SLC4A10: variants seen among roughly 807,000 people sequenced by gnomAD.
SLC4A10 encodes the protein solute carrier family 4 member 10, also known as sodium-driven chloride bicarbonate exchanger.
SLC4A10 carries 42 observed loss-of-function variants against 137.7 expected under a neutral mutation model. The ratio of observed to expected loss-of-function variants is 0.30; its 90% CI spans 0.24 to 0.39. The LOEUF (loss-of-function observed/expected upper bound fraction) is 0.39. Ranked by LOEUF, SLC4A10 falls within the 10% of genes least tolerant of loss-of-function variation. The pLI, the probability that SLC4A10 is intolerant of heterozygous loss-of-function variation, is 1.00. For missense variants in SLC4A10, 925 were observed against 1,355.0 expected (o/e 0.68, Z 4.98); for synonymous variants, 474 against 464.1 (o/e 1.02, Z -0.27).
intron 15 of SLC4A10, among the ~76,000 whole-genome samples, chr2:161,915,359 A>G (rs1686897273): frequency 6.6e-6 from 1 of 152,190 alleles, no homozygotes; most frequent in Non-Finnish European, 1.5e-5. Context: ...CCTCTTGGGC[A>G]CTGGAAAAGA....
chr2:161,904,849 C>T lies in SLC4A10; in HGVS notation c.1691C>T (p.Thr564Ile). 6 of 1,613,912 alleles carry T rather than the reference C, an allele frequency of 3.7e-6. No homozygotes were observed. The highest frequency in any genetic ancestry group is 5.1e-6 in the Non-Finnish European group (6 of 1,179,834). ...TCTCTCTTTGGTGGACAGCCTCTTA[C>T]CATATTAGGCAGTACAGGACCAGTT... is the stretch of plus-strand genomic sequence containing the variant. ...AYSLFGGQPLTILGSTGPVLV... is the reference protein window; with the variant it reads ...AYSLFGGQPLIILGSTGPVLV... Residue 564 changes from threonine to isoleucine, a missense_variant, in exon 14 of 27, where the codon ACC (threonine) becomes ATC (isoleucine). Thr to Ile is a moderately conservative substitution (Grantham distance 89). Coordinates refer to ENST00000446997, the MANE Select transcript of SLC4A10 (RefSeq NM_001178015.2).
In SLC4A10 at chr2:161,668,486, T is replaced by C. The variant is rs138522923; in HGVS notation, c.48+43920T>C. Among the ~76,000 whole-genome samples, 232 of 151,790 alleles carry C rather than the reference T, an allele frequency of 1.5e-3. 1 individual carries two copies. Among genetic ancestry groups the C allele is most frequent in the African/African-American group, 4.5e-3 (187 of 41,484 alleles). ...AGCAGGCAGCCTCAGAAGTAGTGAG[T>C]TTCTCACTACTAGAAGTAATCAACT... On this transcript the variant is annotated intron_variant, in intron 1 of 26. Transcript: ENST00000446997.
At chr2:161,628,368 T>A (rs2032861128) in intron 1 of SLC4A10, among the ~76,000 whole-genome samples, 1 of 152,058 alleles carries the variant, frequency 6.6e-6, no homozygotes, top group Non-Finnish European at 1.5e-5. Flanking sequence ...AAAACTACAG[T>A]AAAGTTCACT....
At chr2:161,836,547 A>T (rs1559359072) in intron 3 of SLC4A10, among the ~76,000 whole-genome samples, 3 of 49,592 alleles carry the variant, frequency 6.0e-5, no homozygotes, top group African/African-American at 2.1e-4. Flanking sequence ...AAAGAAAGAA[A>T]GAAAGAAAGA....
intron 1 of SLC4A10, among the ~76,000 whole-genome samples, chr2:161,655,081 G>T (rs1336467949): frequency 6.6e-6 from 1 of 151,798 alleles, no homozygotes; most frequent in Non-Finnish European, 1.5e-5. Context: ...CAATGTACAG[G>T]TCTTTCACCT....
At chr2:161,842,566 A>G (rs2059248943) in intron 4 of SLC4A10, among the ~76,000 whole-genome samples, 1 of 152,006 alleles carries the variant, frequency 6.6e-6, no homozygotes, top group South Asian at 2.1e-4. Flanking sequence ...GTGGCATGTT[A>G]TTCAGTATGA....
chr2:161,684,612 A>G (rs2041196712), intron 1 of SLC4A10, among the ~76,000 whole-genome samples: 1 of 152,214 alleles, frequency 6.6e-6, no homozygotes, highest in African/African-American at 2.4e-5. Flanking sequence ...ACCTTGGGCA[A>G]GGTACTTAAC....
At chr2:161,952,272 A>G (rs895054859) in intron 19 of SLC4A10, among the ~76,000 whole-genome samples, 6 of 152,116 alleles carry the variant, frequency 3.9e-5, no homozygotes, top group African/African-American at 1.4e-4. Context: ...TGCCCTTTCA[A>G]CCTTATAAAT....
chr2:161,687,799 G>C (rs1400617033), intron 1 of SLC4A10, among the ~76,000 whole-genome samples: 1 of 152,112 alleles, frequency 6.6e-6, no homozygotes, highest in East Asian at 1.9e-4. Context: ...CAAGTGTCTG[G>C]CATTTCCCCT....
At position 161,680,535 on chromosome 2, in the gene SLC4A10, G is replaced by A. The variant is rs73020067; in HGVS notation, c.48+55969G>A. On this transcript the variant is annotated intron_variant, in intron 1 of 26. Transcript: ENST00000446997. Reference sequence around the variant, plus strand: ...ATGGGAGTAAAGGCTGAAAATGTGGGATGAGGTCAGATTACGGAGGACCTT... The same window carrying A: ...ATGGGAGTAAAGGCTGAAAATGTGGAATGAGGTCAGATTACGGAGGACCTT... 6.7e-3 allele frequency among the ~76,000 whole-genome samples: 1,011 copies of A among 152,028 alleles called. 11 individuals carry two copies. The highest frequency in any genetic ancestry group is 0.023 in the African/African-American group (961 of 41,500).
intron 1 of SLC4A10, among the ~76,000 whole-genome samples, chr2:161,733,521 AG>A (rs749995070): frequency 1.2e-4 from 19 of 152,364 alleles, no homozygotes; most frequent in Non-Finnish European, 2.2e-4. Flanking sequence ...AGTTTGCTAC[AG>A]GGGCAGGGCT....
chr2:161,692,434 A>G (rs1008757648), intron 1 of SLC4A10, among the ~76,000 whole-genome samples: 9 of 152,076 alleles, frequency 5.9e-5, no homozygotes, highest in Admixed American at 4.6e-4. Context: ...TGTTATGGTG[A>G]GTTGCACCTC....
intron 3 of SLC4A10, among the ~76,000 whole-genome samples, chr2:161,834,959 C>T (rs750396983): frequency 4.6e-5 from 7 of 152,080 alleles, no homozygotes; most frequent in African/African-American, 1.2e-4. Context: ...TAACTGACAT[C>T]GGTCCATTTT....
At chr2:161,819,893 T>C (rs933301357) in intron 3 of SLC4A10, among the ~76,000 whole-genome samples, 1 of 152,172 alleles carries the variant, frequency 6.6e-6, no homozygotes, top group African/African-American at 2.4e-5. Context: ...ATTGGTAAGT[T>C]TGAAGCATAA....
chr2:161,692,259 G>T (rs1430393515), intron 1 of SLC4A10, among the ~76,000 whole-genome samples: 1 of 151,956 alleles, frequency 6.6e-6, no homozygotes, highest in Admixed American at 6.6e-5. Flanking sequence ...AAATTTTTAT[G>T]TAGATATATA....
chr2:161,980,271 C>T (rs1700032866), intron 26 of SLC4A10, among the ~76,000 whole-genome samples: 1 of 152,144 alleles, frequency 6.6e-6, no homozygotes, highest in African/African-American at 2.4e-5. Flanking sequence ...ACTCCCCCAC[C>T]ACCTTTTTCT....
intron 2 of SLC4A10, among the ~76,000 whole-genome samples, chr2:161,788,727 T>G (rs928853812): frequency 1.3e-5 from 2 of 152,274 alleles, no homozygotes; most frequent in African/African-American, 4.8e-5. Context: ...AAACAGTTTT[T>G]CAACTTGTCT....
intron 1 of SLC4A10, among the ~76,000 whole-genome samples, chr2:161,701,578 A>G (rs1483897104): frequency 6.6e-6 from 1 of 151,956 alleles, no homozygotes; most frequent in African/African-American, 2.4e-5. Flanking sequence ...TTTGTTGGGA[A>G]CATTCCAATT....
intron 1 of SLC4A10, among the ~76,000 whole-genome samples, chr2:161,660,661 C>CTTCTTTCTTTCTTTCTTTCCT (rs1558970156): frequency 7.7e-6 from 1 of 130,008 alleles, no homozygotes. Context: ...TCTTTCTTTC[C>CTTCTTTCTTTCTTTCTTTCCT]TTTTTTTTTT....
Sources: gnomAD v4.1 joint callset for allele counts (sites outside exome capture counted in the v4.1 genomes callset) on GRCh38, gnomAD v4.1.1 for gene constraint, MANE v1.5 for transcripts, NCBI Gene and HGNC (gene_info 2026-07-23, HGNC 2026-07-21) for gene names.